Variants in SDK1 observed in about 807,000 individuals in gnomAD.
SDK1 encodes the protein sidekick cell adhesion molecule 1, also known as protein sidekick-1.
A neutral mutation model predicts 245.5 loss-of-function variants in SDK1; 157 were observed. That is an observed-to-expected ratio of 0.64 (90% CI 0.56 to 0.73). The LOEUF (loss-of-function observed/expected upper bound fraction) is 0.73, where lower values mean the gene tolerates loss of function less well. Among genes scored for constraint, SDK1 ranks in the 30% least tolerant of loss-of-function variants. The pLI, the probability that SDK1 is intolerant of heterozygous loss-of-function variation, is 0.00. For synonymous variants in SDK1, 1,647 were observed against 1,278.5 expected (o/e 1.29, Z -6.15); for missense variants, 3,583 against 3,002.3 (o/e 1.19, Z -4.52).
intron 44 of SDK1, among the ~76,000 whole-genome samples, chr7:4,254,387 C>T (rs1291077844): frequency 6.6e-6 from 1 of 152,150 alleles, no homozygotes; most frequent in Non-Finnish European, 1.5e-5. Context: ...TCTGCCAGCT[C>T]AAGTCTACTA....
chr7:3,488,641 A>G (rs1781775521), intron 1 of SDK1, among the ~76,000 whole-genome samples: 1 of 152,212 alleles, frequency 6.6e-6, no homozygotes, highest in Non-Finnish European at 1.5e-5. Context: ...GCTTCAGGTA[A>G]TGAAAAACCA....
chr7:3,846,205 C>T (rs1012407673), intron 5 of SDK1, among the ~76,000 whole-genome samples: 2 of 148,780 alleles, frequency 1.3e-5, no homozygotes, highest in African/African-American at 5.2e-5. Flanking sequence ...CATGCATGTA[C>T]ACACACACAC....
chr7:3,795,318 G>A (rs1046997896), intron 4 of SDK1, among the ~76,000 whole-genome samples: 3 of 152,078 alleles, frequency 2.0e-5, no homozygotes, highest in Non-Finnish European at 2.9e-5. Context: ...ATGCCACTTG[G>A]CATGGCAGGC....
chr7:3,608,195 C>G (rs920498843), intron 1 of SDK1, among the ~76,000 whole-genome samples: 9 of 152,162 alleles, frequency 5.9e-5, no homozygotes, highest in African/African-American at 9.7e-5. Context: ...ATTATTAATT[C>G]TATTAAGCTT....
chr7:3,676,192 A>G (rs1043436689), intron 4 of SDK1, among the ~76,000 whole-genome samples: 1 of 150,682 alleles, frequency 6.6e-6, no homozygotes, highest in South Asian at 2.1e-4. Context: ...TAAATTTTGT[A>G]TTTTTTTGTG....
Position 4,248,277 on chromosome 7 carries a change from TACAC to T in SDK1, c.6381+2479_6381+2482del, listed in dbSNP as rs144578855. ...AGAACACACAACACACACACCTAAA[TACAC>T]ACACACGCACACATATCTATACATA... On this transcript the variant is annotated intron_variant, in intron 44 of 44. Transcript: ENST00000404826. Among the ~76,000 whole-genome samples, 567 of 151,214 alleles carry T rather than the reference TACAC, an allele frequency of 3.7e-3. 11 individuals carry two copies. The East Asian group carries it at 0.06, about 16-fold the overall frequency.
intron 7 of SDK1, among the ~76,000 whole-genome samples, chr7:3,955,974 A>C (rs1222857534): frequency 6.6e-6 from 1 of 152,284 alleles, no homozygotes; most frequent in South Asian, 2.1e-4. Flanking sequence ...GGCCATGTGG[A>C]AGGCGGAAAA....
intron 5 of SDK1, among the ~76,000 whole-genome samples, chr7:3,871,059 G>C (rs77306795): frequency 6.6e-6 from 1 of 151,974 alleles, no homozygotes; most frequent in Non-Finnish European, 1.5e-5. Context: ...TGTTTATTTC[G>C]GTCATCTGAT....
chr7:3,868,390 T>C (rs1780872724), intron 5 of SDK1, among the ~76,000 whole-genome samples: 1 of 152,180 alleles, frequency 6.6e-6, no homozygotes, highest in East Asian at 1.9e-4. Context: ...ACTGTCTGTG[T>C]GGAGGAACTA....
intron 22 of SDK1, among the ~76,000 whole-genome samples, chr7:4,087,572 G>T (rs1005594118): frequency 6.6e-6 from 1 of 152,090 alleles, no homozygotes; most frequent in Non-Finnish European, 1.5e-5. Context: ...TTTCTGTTCA[G>T]GATCATGCTA....
chr7:3,536,647 T>C (rs1778896127), intron 1 of SDK1, among the ~76,000 whole-genome samples: 1 of 151,918 alleles, frequency 6.6e-6, no homozygotes, highest in African/African-American at 2.4e-5. Flanking sequence ...TAAGCTGAGA[T>C]TGTGCCACTC....
chr7:4,011,022 G>T lies in SDK1; in HGVS notation c.2188G>T (p.Val730Leu), dbSNP rs764359846. 6.2e-6 allele frequency: 10 copies of T among 1,614,086 alleles called. No homozygotes were observed. In the East Asian group the frequency reaches 2.2e-4, roughly 36 times the overall value. ...NVGPEMTGVTVSGLTPARTYQ... is the reference protein window; with the variant it reads ...NVGPEMTGVTLSGLTPARTYQ... The stretch of plus-strand genomic sequence containing the variant: ...TGGCCCTGAGATGACAGGCGTCACC[G>T]TGAGTGGCCTGACTCCGGCTCGTAC... Residue 730 changes from valine to leucine, a missense_variant, in exon 15 of 45, where the codon GTG (valine) becomes TTG (leucine). By Grantham distance (32) the Val-to-Leu change is conservative. Transcript: ENST00000404826.
intron 5 of SDK1, among the ~76,000 whole-genome samples, chr7:3,836,435 G>A (rs1047915628): frequency 3.9e-5 from 6 of 152,158 alleles, no homozygotes; most frequent in African/African-American, 1.4e-4. Flanking sequence ...ATTGACTCAA[G>A]ATGTATTTAC....
intron 1 of SDK1, among the ~76,000 whole-genome samples, chr7:3,517,698 C>G (rs1164773873): frequency 6.6e-6 from 1 of 152,148 alleles, no homozygotes; most frequent in Non-Finnish European, 1.5e-5. Context: ...CTAAGGCTTT[C>G]AGCTGTTCTG....
At chr7:3,806,273 G>C (rs550180994) in intron 4 of SDK1, among the ~76,000 whole-genome samples, 2 of 143,148 alleles carry the variant, frequency 1.4e-5, no homozygotes, top group South Asian at 2.2e-4. Flanking sequence ...GTGAGGTAAC[G>C]TATCTCTAGG....
intron 1 of SDK1, among the ~76,000 whole-genome samples, chr7:3,567,472 T>G (rs1341889762): frequency 6.6e-6 from 1 of 152,236 alleles, no homozygotes; most frequent in Non-Finnish European, 1.5e-5. Context: ...CTATGTGTCT[T>G]GACGTTTAGA....
intron 40 of SDK1, among the ~76,000 whole-genome samples, chr7:4,231,024 A>T (rs1380173949): frequency 6.6e-6 from 1 of 152,176 alleles, no homozygotes; most frequent in African/African-American, 2.4e-5. Flanking sequence ...AGGGGGCAAC[A>T]GTTCTCCAGG....
chr7:3,653,467 A>T (rs1783069792), intron 4 of SDK1, among the ~76,000 whole-genome samples: 1 of 152,024 alleles, frequency 6.6e-6, no homozygotes, highest in Non-Finnish European at 1.5e-5. Context: ...TGGTGGTGAG[A>T]AGTGTAAGAC....
chr7:3,395,312 G>T (rs1466688383), intron 1 of SDK1, among the ~76,000 whole-genome samples: 2 of 151,694 alleles, frequency 1.3e-5, no homozygotes, highest in African/African-American at 4.8e-5. Flanking sequence ...CATTTCTGGG[G>T]TAATTAAAAA....
Sources: gnomAD v4.1 joint callset for allele counts (sites outside exome capture counted in the v4.1 genomes callset) on GRCh38, gnomAD v4.1.1 for gene constraint, MANE v1.5 for transcripts, NCBI Gene and HGNC (gene_info 2026-07-23, HGNC 2026-07-21) for gene names.